The following VPS37A variants were observed in gnomAD, a reference collection of about 807,000 sequenced individuals.
VPS37A encodes vacuolar protein sorting-associated protein 37A.
A neutral mutation model predicts 49.8 loss-of-function variants in VPS37A; 30 were observed. The ratio of observed to expected loss-of-function variants is 0.60; its 90% confidence interval spans 0.45 to 0.82. The LOEUF is 0.82. Among genes scored for constraint, VPS37A ranks in the 40% least tolerant of loss-of-function variants. VPS37A has a pLI of 0.00. For missense variants in VPS37A, 593 were observed against 464.4 expected (o/e 1.28, Z -2.55); for synonymous variants, 195 against 160.6 (o/e 1.21, Z -1.62).
chr8:17,306,544 C>A (rs895714444), downstream of VPS37A, among the ~76,000 whole-genome samples: 9 of 152,202 alleles, frequency 5.9e-5, no homozygotes, highest in Non-Finnish European at 1.2e-4. Context: ...GCACATCAGA[C>A]TCGTCTTCCT....
rs929840763 is a variant in VPS37A, at chr8:17,264,797, C to T, written c.126-1110C>T. Among the ~76,000 whole-genome samples the T allele has an allele frequency of 1.1e-4, 16 of 152,118 alleles. No individual in the cohort carries two copies. In the East Asian group the frequency reaches 1.9e-3, roughly 18 times the overall value. ...TATTAAGCTTCCTCTGCAACCTCAC[C>T]TCATTAATACTACTTAGCATTTTCC... On this transcript the variant is annotated intron_variant, in intron 1 of 11. Coordinates refer to ENST00000324849, the MANE Select transcript of VPS37A (RefSeq NM_152415.3).
At chr8:17,309,194 A>G in the VPS37A span, 4 of 961,060 alleles carry the variant, frequency 4.2e-6, no homozygotes, top group Non-Finnish European at 6.5e-6. Context: ...AAACAAGACG[A>G]TTTTCCCCTA....
downstream of VPS37A, chr8:17,302,400 G>T: frequency 8.4e-7 from 1 of 1,194,860 alleles, no homozygotes; most frequent in Non-Finnish European, 1.1e-6. Context: ...GCAAATTTCA[G>T]CCTCAAAAAA....
At chr8:17,309,666 A>C in the VPS37A span, among the ~76,000 whole-genome samples, 5 of 152,186 alleles carry the variant, frequency 3.3e-5, no homozygotes, top group African/African-American at 1.2e-4. Flanking sequence ...GGGAAACCGA[A>C]GGAAAGAGGT....
downstream of VPS37A, chr8:17,305,823 T>G (rs751740020): frequency 1.2e-6 from 2 of 1,613,716 alleles, no homozygotes; most frequent in Admixed American, 1.7e-5. Flanking sequence ...ATAAATGTGA[T>G]GTTGAATGTG....
rs548699747 is a variant in VPS37A at position 17,265,835 on chromosome 8, G to A, written c.126-72G>A. On this transcript the variant is annotated intron_variant, in intron 1 of 11. Coordinates refer to ENST00000324849, the MANE Select transcript of VPS37A (RefSeq NM_152415.3). ...ATAAAGGTAGTTTTAGTAGATTCTA[G>A]CACTTAACATTGGTTTTTAACAATA... is the stretch of plus-strand genomic sequence containing the variant. 2.9e-5 allele frequency: 47 copies of A among 1,608,754 alleles called. No individual in the cohort carries two copies. The South Asian group carries it at 4.9e-4, about 17-fold the overall frequency.
intron 6 of VPS37A, among the ~76,000 whole-genome samples, chr8:17,277,485 C>G (rs546374318): frequency 6.6e-6 from 1 of 151,848 alleles, no homozygotes; most frequent in Non-Finnish European, 1.5e-5. Context: ...AGCTATAAAC[C>G]CTTTTGCTCA....
At chr8:17,266,747 G>T (rs1318683810) in intron 2 of VPS37A, among the ~76,000 whole-genome samples, 1 of 152,124 alleles carries the variant, frequency 6.6e-6, no homozygotes, top group Admixed American at 6.6e-5. Flanking sequence ...TATAAGTGCT[G>T]TGTTAACGAT....
downstream of VPS37A, among the ~76,000 whole-genome samples, chr8:17,300,796 C>A (rs550856110): frequency 1.3e-5 from 2 of 152,340 alleles, no homozygotes; most frequent in South Asian, 4.1e-4. Flanking sequence ...CAGCCCCTGG[C>A]TACTACTGAT....
At chr8:17,282,579 TACA>T (rs779451600) in intron 9 of VPS37A, among the ~76,000 whole-genome samples, 1 of 152,130 alleles carries the variant, frequency 6.6e-6, no homozygotes, top group South Asian at 2.1e-4. Context: ...TTTTAGCCTA[TACA>T]ACAAATACTA....
At chr8:17,263,369 A>G (rs1813141958) in intron 1 of VPS37A, among the ~76,000 whole-genome samples, 1 of 152,322 alleles carries the variant, frequency 6.6e-6, no homozygotes, top group African/African-American at 2.4e-5. Context: ...TAATTAAGTA[A>G]AACAAGTACT....
intron 11 of VPS37A, among the ~76,000 whole-genome samples, chr8:17,289,565 G>A (rs891563866): frequency 4.6e-5 from 7 of 152,188 alleles, no homozygotes; most frequent in Non-Finnish European, 1.0e-4. Context: ...CTGTATGTCT[G>A]TTTTGGTACC....
chr8:17,326,157 G>A, the VPS37A span, among the ~76,000 whole-genome samples: 484 of 152,238 alleles, frequency 3.2e-3, no homozygotes, highest in Non-Finnish European at 5.6e-3. Context: ...CCACTACCTC[G>A]AGAGGCAGAA....
chr8:17,314,269 AATC>A, the VPS37A span, among the ~76,000 whole-genome samples: 1 of 152,134 alleles, frequency 6.6e-6, no homozygotes, highest in African/African-American at 2.4e-5. Flanking sequence ...TCAATCAAGA[AATC>A]ATAGATTTCT....
chr8:17,331,074 T>G, the VPS37A span: 1 of 1,507,744 alleles, frequency 6.6e-7, no homozygotes, highest in Non-Finnish European at 8.9e-7. Flanking sequence ...CATTTTAAAA[T>G]CAAGACTATC....
At chr8:17,290,728 G>A (rs952350837) in intron 11 of VPS37A, among the ~76,000 whole-genome samples, 4 of 152,142 alleles carry the variant, frequency 2.6e-5, no homozygotes, top group African/African-American at 7.2e-5. Context: ...TTTTTCTGTT[G>A]TTTGGAATAG....
At chr8:17,288,891 A>G (rs200358262) in intron 11 of VPS37A, among the ~76,000 whole-genome samples, 4 of 151,872 alleles carry the variant, frequency 2.6e-5, no homozygotes, top group East Asian at 3.9e-4. Flanking sequence ...GTTGTTTCCT[A>G]ACTTTTTAAT....
At chr8:17,311,540 G>T in the VPS37A span, 1 of 1,614,000 alleles carries the variant, frequency 6.2e-7, no homozygotes, top group East Asian at 2.2e-5. Context: ...CGGTAGTGAG[G>T]GTCCAGCAGC....
the VPS37A span, among the ~76,000 whole-genome samples, chr8:17,332,141 C>T: frequency 2.6e-5 from 4 of 152,300 alleles, no homozygotes; most frequent in East Asian, 1.9e-4. Context: ...AAACAGCATT[C>T]GCTGACCATT....
Sources: gnomAD v4.1 joint callset for allele counts (sites outside exome capture counted in the v4.1 genomes callset) on GRCh38, gnomAD v4.1.1 for gene constraint, MANE v1.5 for transcripts, NCBI Gene and HGNC (gene_info 2026-07-23, HGNC 2026-07-21) for gene names.